The following SLC4A4 variants were observed in gnomAD, a reference collection of about 807,000 sequenced individuals.
The protein encoded by SLC4A4 is electrogenic sodium bicarbonate cotransporter 1.
A neutral mutation model predicts 111.5 loss-of-function variants in SLC4A4; 27 were observed. That is an observed-to-expected ratio of 0.24 (90% CI 0.18 to 0.33). The LOEUF is 0.33. Ranked by LOEUF, SLC4A4 falls within the 10% of genes least tolerant of loss-of-function variation. The pLI, the probability that SLC4A4 is intolerant of heterozygous loss-of-function variation, is 1.00. For missense variants in SLC4A4, 909 were observed against 1,315.5 expected, an observed-to-expected ratio of 0.69 and a Z score of 4.78; for synonymous variants, 443 against 463.4, an observed-to-expected ratio of 0.96 and a Z score of 0.57.
At chr4:71,375,886 A>G (rs944235189) in intron 6 of SLC4A4, among the ~76,000 whole-genome samples, 1 of 151,894 alleles carries the variant, frequency 6.6e-6, no homozygotes, top group African/African-American at 2.4e-5. Flanking sequence ...TGAAATATTT[A>G]CTACCTGTCA....
At chr4:71,523,241 C>A (rs964568138) in intron 16 of SLC4A4, among the ~76,000 whole-genome samples, 1 of 152,168 alleles carries the variant, frequency 6.6e-6, no homozygotes, top group South Asian at 2.1e-4. Flanking sequence ...ACAAAGCAAA[C>A]GACTCTGCTA....
chr4:71,180,379 C>T lies in SLC4A4; in HGVS notation c.-1-56197C>T, dbSNP rs574126767. Among the ~76,000 whole-genome samples, 14 of 152,290 alleles carry T rather than the reference C, an allele frequency of 9.2e-5. No individual in the cohort carries two copies. In the South Asian group the frequency reaches 2.5e-3, roughly 27 times the overall value. On this transcript the variant is annotated intron_variant, in intron 2 of 26. Transcript: ENST00000649996. Reference sequence around the variant, plus strand: ...ATCTAATTAAACTAAAGAGCTTCCACACAGCAAAAGAAACTACCATCAGAG... The same window carrying T: ...ATCTAATTAAACTAAAGAGCTTCCATACAGCAAAAGAAACTACCATCAGAG...
At chr4:71,196,697 G>A (rs963262845) in intron 1 of SLC4A4, among the ~76,000 whole-genome samples, 1 of 151,324 alleles carries the variant, frequency 6.6e-6, no homozygotes, top group African/African-American at 2.4e-5. Context: ...GGCTGGGTGC[G>A]GTGGCTAACT....
At chr4:71,486,835 T>C (rs1729445471) in intron 14 of SLC4A4, 113 bp from the exon 15 acceptor site, 1 of 622,070 alleles carries the variant, frequency 1.6e-6, no homozygotes, top group South Asian at 2.0e-5. Context: ...CCTTATGTTG[T>C]TATTAAAGAC....
At chr4:71,312,980 G>C (rs1726334810) in intron 3 of SLC4A4, among the ~76,000 whole-genome samples, 1 of 152,160 alleles carries the variant, frequency 6.6e-6, no homozygotes, top group South Asian at 2.1e-4. Context: ...AAAAGAGGAA[G>C]TCAAATTGTC....
At chr4:71,236,423 C>T (rs1009506914) in intron 1 of SLC4A4, 153 bp from the exon 2 acceptor site, 12 of 780,112 alleles carry the variant, frequency 1.5e-5, no homozygotes, top group Non-Finnish European at 1.8e-5. Flanking sequence ...AGAGGAGCTG[C>T]GTGAAGCAGT....
chr4:71,476,793 A>C (rs539548563), intron 14 of SLC4A4, among the ~76,000 whole-genome samples: 2 of 151,828 alleles, frequency 1.3e-5, no homozygotes, highest in South Asian at 4.1e-4. Context: ...GCTTAGTTGC[A>C]AGTGCTAGTA....
chr4:71,387,158 A>C (rs987495039), intron 6 of SLC4A4, among the ~76,000 whole-genome samples: 4 of 152,128 alleles, frequency 2.6e-5, no homozygotes, highest in Non-Finnish European at 4.4e-5. Flanking sequence ...GGCAGATTCC[A>C]ATGTGAGTTT....
At chr4:71,222,701 G>A (rs2073572708) in intron 1 of SLC4A4, among the ~76,000 whole-genome samples, 2 of 152,198 alleles carry the variant, frequency 1.3e-5, no homozygotes, top group African/African-American at 4.8e-5. Context: ...TTTAATAAGG[G>A]AACACAGACT....
chr4:71,509,851 A>T (rs1731751330), intron 16 of SLC4A4, among the ~76,000 whole-genome samples: 1 of 152,086 alleles, frequency 6.6e-6, no homozygotes, highest in Non-Finnish European at 1.5e-5. Context: ...TGCTTTGTAC[A>T]CCTGGGGTTG....
intron 2 of SLC4A4, among the ~76,000 whole-genome samples, chr4:71,114,248 A>AAAAC (rs772876532): frequency 6.6e-5 from 10 of 152,306 alleles, no homozygotes; most frequent in African/African-American, 2.2e-4. Flanking sequence ...TCGCTCTCAA[A>AAAAC]AAACAAACAA....
At chr4:71,168,944 A>T (rs1310992374) in intron 2 of SLC4A4, among the ~76,000 whole-genome samples, 2 of 152,038 alleles carry the variant, frequency 1.3e-5, no homozygotes, top group Non-Finnish European at 2.9e-5. Flanking sequence ...TGATATATTG[A>T]TTTCCTTTTT....
intron 1 of SLC4A4, among the ~76,000 whole-genome samples, chr4:71,213,019 G>C (rs1207599798): frequency 6.6e-6 from 1 of 152,164 alleles, no homozygotes; most frequent in Non-Finnish European, 1.5e-5. Context: ...ACAGTCATGT[G>C]CTGTATGGGT....
intron 16 of SLC4A4, among the ~76,000 whole-genome samples, chr4:71,528,563 A>G (rs1328587716): frequency 6.6e-6 from 1 of 152,114 alleles, no homozygotes. Flanking sequence ...ATATACCAAA[A>G]CACTTAAATT....
Position 71,493,409 on chromosome 4 carries a change from A to T in SLC4A4, c.1975-4092A>T, listed in dbSNP as rs532438742. 5.9e-5 allele frequency among the ~76,000 whole-genome samples: 9 copies of T among 152,138 alleles called. No individual in the cohort carries two copies. In the South Asian group the frequency reaches 1.9e-3, roughly 32 times the overall value. The stretch of plus-strand genomic sequence containing the variant: ...ATAAATTGGTAGATATCTTCCTTGA[A>T]TATGTCATATATTCCAGACATGATG... On this transcript the variant is annotated intron_variant, in intron 15 of 25. Transcript: ENST00000264485.
chr4:71,505,870 T>C (rs1045250436), intron 16 of SLC4A4, among the ~76,000 whole-genome samples: 6 of 152,216 alleles, frequency 3.9e-5, no homozygotes, highest in Non-Finnish European at 7.4e-5. Context: ...TTTTTGTATA[T>C]GGTATAAGGA....
At chr4:71,153,700 A>G (rs1037240503) in intron 2 of SLC4A4, among the ~76,000 whole-genome samples, 2 of 152,112 alleles carry the variant, frequency 1.3e-5, no homozygotes, top group African/African-American at 4.8e-5. Context: ...TTAGAAATAA[A>G]ATATTTCATT....
At chr4:71,332,794 T>C (rs551250156) in intron 3 of SLC4A4, among the ~76,000 whole-genome samples, 1 of 152,358 alleles carries the variant, frequency 6.6e-6, no homozygotes, top group Non-Finnish European at 1.5e-5. Flanking sequence ...AGTCTGCTGT[T>C]GAGAGACTCT....
intron 3 of SLC4A4, among the ~76,000 whole-genome samples, chr4:71,262,720 C>G (rs1721950960): frequency 6.6e-6 from 1 of 151,902 alleles, no homozygotes; most frequent in Admixed American, 6.6e-5. Flanking sequence ...AATATTAGTT[C>G]TATAGTCTCT....
Sources: gnomAD v4.1 joint callset for allele counts (sites outside exome capture counted in the v4.1 genomes callset) on GRCh38, gnomAD v4.1.1 for gene constraint, MANE v1.5 for transcripts, NCBI Gene and HGNC (gene_info 2026-07-23, HGNC 2026-07-21) for gene names.